The following ACBD6 variants were observed in gnomAD, a reference collection of about 807,000 sequenced individuals.
ACBD6 encodes the protein acyl-CoA binding domain containing 6.
A neutral mutation model predicts 37.2 loss-of-function variants in ACBD6; 28 were observed. The observed-to-expected ratio is 0.75, with a 90% CI of 0.56 to 1.03. ACBD6 has a LOEUF of 1.03. ACBD6 is among the 50% of genes least tolerant of loss of function. The pLI is 0.00. For missense variants in ACBD6, 340 were observed against 337.4 expected (o/e 1.01, Z -0.06); for synonymous variants, 113 against 126.8 (o/e 0.89, Z 0.73).
intron 3 of ACBD6, among the ~76,000 whole-genome samples, chr1:180,470,097 T>G (rs551101827): frequency 1.3e-4 from 20 of 152,298 alleles, no homozygotes; most frequent in Non-Finnish European, 2.2e-4. Flanking sequence ...ACATTAACAT[T>G]GTTGGTTCAT....
intron 4 of ACBD6, among the ~76,000 whole-genome samples, chr1:180,425,909 T>C (rs1033779822): frequency 6.6e-6 from 1 of 152,226 alleles, no homozygotes; most frequent in Admixed American, 6.5e-5. Context: ...TTTATACTTA[T>C]ATTCTTCCAT....
intron 4 of ACBD6, among the ~76,000 whole-genome samples, chr1:180,419,183 G>A (rs12145742): frequency 0.12 from 17,648 of 152,242 alleles, 1,368 homozygotes; most frequent in Middle Eastern, 0.21. Flanking sequence ...CCCAGGAAGC[G>A]GAGCTTGCAG....
At chr1:180,501,990 G>A in intron 1 of ACBD6, 55 bp downstream of exon 1, 3 of 1,550,268 alleles carry the variant, frequency 1.9e-6, no homozygotes, top group Non-Finnish European at 8.9e-7. Context: ...ATCAGTTGTT[G>A]AGGAAGAAGG....
chr1:180,476,852 C>CA (rs199826834), intron 3 of ACBD6, among the ~76,000 whole-genome samples: 4 of 151,212 alleles, frequency 2.6e-5, no homozygotes, highest in African/African-American at 7.3e-5. Flanking sequence ...CAAAAACAAA[C>CA]AAAAAAAACA....
At chr1:180,448,683 G>A (rs1223424757) in intron 3 of ACBD6, among the ~76,000 whole-genome samples, 1 of 152,168 alleles carries the variant, frequency 6.6e-6, no homozygotes, top group African/African-American at 2.4e-5. Flanking sequence ...ATGAATTGAA[G>A]TGCATAAAAA....
At chr1:180,331,826 T>C (rs1651495563) in intron 6 of ACBD6, among the ~76,000 whole-genome samples, 1 of 152,204 alleles carries the variant, frequency 6.6e-6, no homozygotes, top group Non-Finnish European at 1.5e-5. Flanking sequence ...TTGGCTCTAT[T>C]ACCCAGCTGC....
At chr1:180,354,663 A>AT (rs1005509338) in intron 6 of ACBD6, among the ~76,000 whole-genome samples, 52 of 152,256 alleles carry the variant, frequency 3.4e-4, no homozygotes, top group Admixed American at 8.5e-4. Flanking sequence ...ATTTTGAGCT[A>AT]TTTTTTCTAG....
chr1:180,412,678 C>T lies in ACBD6; in HGVS notation c.573+688G>A, dbSNP rs148527151. Among the ~76,000 whole-genome samples the T allele has an allele frequency of 5.5e-3, 832 of 152,032 alleles. 7 individuals carry two copies. The highest frequency in any genetic ancestry group is 0.019 in the African/African-American group (787 of 41,462). On this transcript the variant is annotated intron_variant, in intron 5 of 7. Coordinates refer to ENST00000367595, the MANE Select transcript of ACBD6 (RefSeq NM_032360.4). ...GCCAGGAGGACAAGACCAACCCGGG[C>T]GACATAGCAAGACCCCATCTCCCCA...
At chr1:180,351,000 A>T (rs1399772508) in intron 6 of ACBD6, among the ~76,000 whole-genome samples, 7 of 152,118 alleles carry the variant, frequency 4.6e-5, no homozygotes. Context: ...ATTTGAGTTA[A>T]ATTTAATAAT....
At chr1:180,414,869 T>C (rs1648010095) in intron 4 of ACBD6, among the ~76,000 whole-genome samples, 1 of 152,090 alleles carries the variant, frequency 6.6e-6, no homozygotes, top group African/African-American at 2.4e-5. Context: ...AAATAAGAAG[T>C]GAGGTCAAAC....
chr1:180,351,586 T>G (rs1406075717), intron 6 of ACBD6, among the ~76,000 whole-genome samples: 10 of 135,010 alleles, frequency 7.4e-5, no homozygotes, highest in African/African-American at 2.8e-4. Context: ...TATTACGTTT[T>G]TTTTTTTTTT....
At chr1:180,332,376 G>T (rs1017478405) in intron 6 of ACBD6, among the ~76,000 whole-genome samples, 1 of 152,124 alleles carries the variant, frequency 6.6e-6, no homozygotes, top group Admixed American at 6.6e-5. Flanking sequence ...GGCCTGTTAG[G>T]AACTGGGCTA....
chr1:180,297,795 C>A (rs1191581108), intron 7 of ACBD6, among the ~76,000 whole-genome samples: 1 of 152,200 alleles, frequency 6.6e-6, no homozygotes, highest in Non-Finnish European at 1.5e-5. Flanking sequence ...GGCTGGAGTG[C>A]AATGGCACGA....
At chr1:180,350,538 C>T (rs1283190356) in intron 6 of ACBD6, among the ~76,000 whole-genome samples, 1 of 152,298 alleles carries the variant, frequency 6.6e-6, no homozygotes, top group African/African-American at 2.4e-5. Flanking sequence ...TAACAGTACA[C>T]TGTTACTAAT....
At chr1:180,349,302 C>G (rs924696201) in intron 6 of ACBD6, among the ~76,000 whole-genome samples, 16 of 150,476 alleles carry the variant, frequency 1.1e-4, no homozygotes, top group Non-Finnish European at 4.4e-5. Context: ...CTCTGTCGCC[C>G]AGGCTGGCTC....
At chr1:180,484,912 A>ACC (rs1651199810) in intron 3 of ACBD6, among the ~76,000 whole-genome samples, 1 of 151,916 alleles carries the variant, frequency 6.6e-6, no homozygotes, top group Non-Finnish European at 1.5e-5. Context: ...AAAAATACAA[A>ACC]AATTAGCTGG....
intron 6 of ACBD6, among the ~76,000 whole-genome samples, chr1:180,347,582 CT>C (rs1424129404): frequency 3.9e-5 from 6 of 152,042 alleles, no homozygotes; most frequent in African/African-American, 1.4e-4. Context: ...GTAGAAAGAT[CT>C]TTTCAAACTT....
intron 1 of ACBD6, among the ~76,000 whole-genome samples, chr1:180,496,995 G>GTT (rs1402937271): frequency 5.3e-5 from 8 of 152,116 alleles, no homozygotes; most frequent in African/African-American, 1.9e-4. Context: ...ATCAAAGAGT[G>GTT]TTTGACTCCA....
intron 1 of ACBD6, among the ~76,000 whole-genome samples, chr1:180,501,707 G>A (rs1254997581): frequency 1.3e-5 from 2 of 152,060 alleles, no homozygotes; most frequent in African/African-American, 2.4e-5. Context: ...TGGCCCTCTG[G>A]GAAAGAGTAA....
Sources: gnomAD v4.1 joint callset for allele counts (sites outside exome capture counted in the v4.1 genomes callset) on GRCh38, gnomAD v4.1.1 for gene constraint, MANE v1.5 for transcripts, NCBI Gene and HGNC (gene_info 2026-07-23, HGNC 2026-07-21) for gene names.